RGS6: variants seen among roughly 807,000 people sequenced by gnomAD.
RGS6 encodes the protein regulator of G protein signaling 6.
In RGS6, 30 loss-of-function variants were observed where a neutral mutation model predicts 78.5. That is an observed-to-expected ratio of 0.38 (90% confidence interval 0.29 to 0.52). RGS6 has a LOEUF of 0.52. Ranked by LOEUF, RGS6 falls within the 20% of genes least tolerant of loss-of-function variation. The pLI is 0.85. For synonymous variants in RGS6, 206 were observed against 206.0 expected, an observed-to-expected ratio of 1.00 and a Z score of 0.00; for missense variants, 495 against 609.7, an observed-to-expected ratio of 0.81 and a Z score of 1.98.
chr14:72,325,918 T>C (rs1419230939), intron 2 of RGS6, among the ~76,000 whole-genome samples: 1 of 152,070 alleles, frequency 6.6e-6, no homozygotes, highest in Admixed American at 6.5e-5. Context: ...TGTAGGGAAA[T>C]AAGGTACCCT....
chr14:72,526,487 T>C (rs1035150376), intron 15 of RGS6, among the ~76,000 whole-genome samples: 3 of 149,998 alleles, frequency 2.0e-5, no homozygotes, highest in African/African-American at 7.6e-5. Flanking sequence ...AAGCTACACT[T>C]TTCTAAGAGT....
chr14:71,932,995 G>GT (rs1371867517), intron 1 of RGS6, 54 bp downstream of exon 1: 1 of 152,296 alleles, frequency 6.6e-6, no homozygotes, highest in Admixed American at 6.5e-5. Flanking sequence ...GAAAAACATG[G>GT]TTTAAAACAG....
chr14:71,888,519 A>G, the RGS6 span, among the ~76,000 whole-genome samples: 871 of 152,216 alleles, frequency 5.7e-3, 7 homozygotes, highest in African/African-American at 0.02. Flanking sequence ...CCCACAGGAA[A>G]CAAACCTCTT....
At chr14:72,019,406 A>AT (rs1452623276) in intron 2 of RGS6, among the ~76,000 whole-genome samples, 2 of 152,284 alleles carry the variant, frequency 1.3e-5, no homozygotes, top group African/African-American at 4.8e-5. Context: ...AGAATTAGCA[A>AT]TTTTTTTCAT....
At chr14:72,196,176 G>A (rs537161800) in intron 2 of RGS6, among the ~76,000 whole-genome samples, 8 of 152,292 alleles carry the variant, frequency 5.3e-5, no homozygotes, top group Middle Eastern at 3.4e-3. Flanking sequence ...CCTCTGGTAC[G>A]TGATTGTGGG....
chr14:72,090,882 CCCT>C (rs1452149675), intron 2 of RGS6, among the ~76,000 whole-genome samples: 1 of 152,118 alleles, frequency 6.6e-6, no homozygotes, highest in African/African-American at 2.4e-5. Context: ...TGAAGGTCCT[CCCT>C]CCTCCCCAGT....
At chr14:71,981,864 G>T (rs555903972) in intron 2 of RGS6, among the ~76,000 whole-genome samples, 15 of 146,550 alleles carry the variant, frequency 1.0e-4, no homozygotes, top group African/African-American at 3.7e-4. Flanking sequence ...CCTGGGCAAT[G>T]GTGGGCACCC....
At chr14:72,334,748 G>A (rs2075719849) in intron 2 of RGS6, among the ~76,000 whole-genome samples, 1 of 152,048 alleles carries the variant, frequency 6.6e-6, no homozygotes, top group Admixed American at 6.5e-5. Flanking sequence ...TTCCAGATGA[G>A]ACTCTCCCCC....
chr14:72,457,486 A>G (rs1045209561), intron 4 of RGS6, among the ~76,000 whole-genome samples: 6 of 151,498 alleles, frequency 4.0e-5, no homozygotes, highest in Non-Finnish European at 5.9e-5. Flanking sequence ...TTTAATTGAG[A>G]CAGGGTCTCG....
intron 2 of RGS6, among the ~76,000 whole-genome samples, chr14:71,975,380 G>A (rs1216839283): frequency 1.3e-5 from 2 of 151,836 alleles, no homozygotes; most frequent in African/African-American, 2.4e-5. Flanking sequence ...GGTTTTAGCA[G>A]TTTTATTATA....
At chr14:72,418,327 C>T (rs928362969) in intron 3 of RGS6, among the ~76,000 whole-genome samples, 5 of 152,176 alleles carry the variant, frequency 3.3e-5, no homozygotes, top group African/African-American at 7.2e-5. Context: ...CCACTACAGC[C>T]GGCTAATTTT....
chr14:72,040,935 A>G (rs1329503412), intron 2 of RGS6, among the ~76,000 whole-genome samples: 1 of 151,922 alleles, frequency 6.6e-6, no homozygotes, highest in Admixed American at 6.6e-5. Flanking sequence ...AATAGTTTCT[A>G]TTTATATTCT....
chr14:72,252,450 C>T (rs1161686397), intron 2 of RGS6, among the ~76,000 whole-genome samples: 2 of 152,108 alleles, frequency 1.3e-5, no homozygotes, highest in Non-Finnish European at 2.9e-5. Context: ...AGTGCTGATC[C>T]CATTATATCT....
intron 2 of RGS6, among the ~76,000 whole-genome samples, chr14:72,297,941 A>G (rs942147049): frequency 6.6e-6 from 1 of 151,702 alleles, no homozygotes; most frequent in Non-Finnish European, 1.5e-5. Context: ...TTTTTTGAAG[A>G]TTATAGAATT....
At position 72,049,310 on chromosome 14, in the gene RGS6, CT is replaced by C. The variant is rs377197808; in HGVS notation, c.84+84439del. Reference sequence around the variant, plus strand: ...AGGATTTTAATTTGGAAACTGCCACCTTTTGGAATACAGAAGAGCTGGTTAT... The same window carrying C: ...AGGATTTTAATTTGGAAACTGCCACCTTTGGAATACAGAAGAGCTGGTTAT... On this transcript the variant is annotated intron_variant, in intron 2 of 17. Coordinates refer to ENST00000553525, the MANE Select transcript of RGS6 (RefSeq NM_001204424.2). Among the ~76,000 whole-genome samples the C allele has an allele frequency of 4.2e-3, 647 of 152,236 alleles. 7 individuals are homozygous for C. The highest frequency in any genetic ancestry group is 0.015 in the African/African-American group (617 of 41,534).
intron 1 of RGS6, among the ~76,000 whole-genome samples, chr14:71,956,322 GAACT>G (rs1359668824): frequency 1.4e-5 from 2 of 138,460 alleles, no homozygotes; most frequent in East Asian, 4.3e-4. Context: ...TAGAGGGACA[GAACT>G]AATAGTGTGT....
chr14:72,567,436 C>T (rs530817732), downstream of RGS6, among the ~76,000 whole-genome samples: 6 of 152,230 alleles, frequency 3.9e-5, no homozygotes, highest in Non-Finnish European at 7.3e-5. Flanking sequence ...GCTTATCGGG[C>T]TGTTGCTGTG....
chr14:72,106,106 CAGAG>C (rs2095627060), intron 2 of RGS6, among the ~76,000 whole-genome samples: 1 of 152,140 alleles, frequency 6.6e-6, no homozygotes, highest in Non-Finnish European at 1.5e-5. Context: ...CATCAGAGAA[CAGAG>C]AGACCAGACA....
intron 6 of RGS6, 136 bp from the exon 7 acceptor site, chr14:72,465,610 ATGGGTGGATGGG>A (rs2095884559): frequency 5.5e-6 from 3 of 547,306 alleles, no homozygotes; most frequent in South Asian, 2.1e-5. Flanking sequence ...GGTTGGGTGG[ATGGGTGGATGGG>A]TGGATGGATG....
Sources: gnomAD v4.1 joint callset for allele counts (sites outside exome capture counted in the v4.1 genomes callset) on GRCh38, gnomAD v4.1.1 for gene constraint, MANE v1.5 for transcripts, NCBI Gene and HGNC (gene_info 2026-07-23, HGNC 2026-07-21) for gene names.